ZNF654: variants seen among roughly 807,000 people sequenced by gnomAD.
ZNF654 encodes the protein melanoma-associated antigen.
In ZNF654, 19 loss-of-function variants were observed where a neutral mutation model predicts 95.3. The observed-to-expected ratio is 0.20, with a 90% CI of 0.14 to 0.29. The LOEUF is 0.29. Among genes scored for constraint, ZNF654 ranks in the 10% least tolerant of loss-of-function variants. ZNF654 has a pLI of 1.00. For synonymous variants in ZNF654, 413 were observed against 457.9 expected (o/e 0.90, Z 1.25); for missense variants, 1,046 against 1,341.0 (o/e 0.78, Z 3.44).
intron 2 of ZNF654, among the ~76,000 whole-genome samples, chr3:88,100,264 C>T (rs1360408820): frequency 1.3e-5 from 2 of 152,212 alleles, no homozygotes; most frequent in East Asian, 1.9e-4. Flanking sequence ...AAATCAAAAC[C>T]ACAATGAGAT....
At chr3:88,122,243 G>C (rs574755758) in intron 3 of ZNF654, among the ~76,000 whole-genome samples, 1 of 152,294 alleles carries the variant, frequency 6.6e-6, no homozygotes, top group South Asian at 2.1e-4. Flanking sequence ...AAGACAAGGT[G>C]AATTTTGGGA....
At chr3:88,088,853 A>G (rs1189542366) in intron 2 of ZNF654, among the ~76,000 whole-genome samples, 1 of 151,886 alleles carries the variant, frequency 6.6e-6, no homozygotes, top group Admixed American at 6.6e-5. Flanking sequence ...GCTCACTGCA[A>G]CCTACATCTC....
chr3:88,097,147 T>C (rs1330233997), intron 2 of ZNF654, among the ~76,000 whole-genome samples: 1 of 152,158 alleles, frequency 6.6e-6, no homozygotes, highest in African/African-American at 2.4e-5. Context: ...ATGACCGGAA[T>C]ATGTACAAGG....
intron 2 of ZNF654, among the ~76,000 whole-genome samples, chr3:88,089,350 G>A (rs558649422): frequency 7.8e-4 from 118 of 151,908 alleles, no homozygotes; most frequent in African/African-American, 2.8e-3. Flanking sequence ...AATTAGCCAG[G>A]CGTGGTGGCA....
At chr3:88,134,165 A>G (rs1221088140) in intron 6 of ZNF654, among the ~76,000 whole-genome samples, 1 of 151,484 alleles carries the variant, frequency 6.6e-6, no homozygotes, top group Non-Finnish European at 1.5e-5. Flanking sequence ...ATGAAATGGA[A>G]TTGGAATTTT....
At chr3:88,070,593 G>A (rs4273396) in intron 1 of ZNF654, among the ~76,000 whole-genome samples, 111,337 of 136,118 alleles carry the variant, frequency 0.82, 45,378 homozygotes, top group South Asian at 0.92. Flanking sequence ...TTTTTTTGCA[G>A]ATCATATTGG....
chr3:88,067,026 C>G (rs1182699581), intron 1 of ZNF654, among the ~76,000 whole-genome samples: 2 of 152,096 alleles, frequency 1.3e-5, no homozygotes, highest in Admixed American at 1.3e-4. Flanking sequence ...TACATTAACA[C>G]TCTCTACTGT....
intron 2 of ZNF654, among the ~76,000 whole-genome samples, chr3:88,111,092 T>C (rs1236457750): frequency 6.6e-6 from 1 of 152,014 alleles, no homozygotes; most frequent in Non-Finnish European, 1.5e-5. Context: ...GTGTTGAACA[T>C]GGATTTTGAG....
intron 1 of ZNF654, among the ~76,000 whole-genome samples, chr3:88,084,498 T>C (rs1708239634): frequency 6.6e-6 from 1 of 152,128 alleles, no homozygotes; most frequent in Admixed American, 6.5e-5. Context: ...GCATAGTTAG[T>C]AGTAGTTTTT....
At chr3:88,094,972 T>G (rs186434641) in intron 2 of ZNF654, among the ~76,000 whole-genome samples, 5 of 152,246 alleles carry the variant, frequency 3.3e-5, no homozygotes, top group Admixed American at 2.6e-4. Flanking sequence ...TATGAGAAAT[T>G]ATCCCAGGAT....
intron 2 of ZNF654, among the ~76,000 whole-genome samples, chr3:88,088,674 G>A (rs1184355393): frequency 6.6e-6 from 1 of 152,128 alleles, no homozygotes; most frequent in Non-Finnish European, 1.5e-5. Flanking sequence ...GAAATTGTAG[G>A]AGGGAAAGAG....
chr3:88,139,975 C>G lies in ZNF654; in HGVS notation c.2306C>G (p.Thr769Ser), dbSNP rs771048970. ...GGGTTTCTAAATAAACATGCAATGA[C>G]CGTACATCCAACCGATTTAAATGTG... ...RIGFLNKHAMTVHPTDLNVRQ... is the reference protein window; with the variant it reads ...RIGFLNKHAMSVHPTDLNVRQ... The change falls in exon 8 of 9, where the codon ACC becomes AGC. Residue 769 changes from threonine (T) to serine (S), a missense_variant. Transcript: ENST00000636215. 1 of 1,613,712 alleles carries G rather than the reference C, an allele frequency of 6.2e-7. No homozygotes were observed. The highest frequency in any genetic ancestry group is 1.1e-5 in the South Asian group (1 of 91,070).
chr3:88,134,992 G>C (rs1278235903), intron 6 of ZNF654, 69 bp from the exon 7 acceptor site: 2 of 1,133,524 alleles, frequency 1.8e-6, no homozygotes, highest in Non-Finnish European at 2.3e-6. Flanking sequence ...TAGAATCAGG[G>C]AAAGATAGCT....
At position 88,140,446 on chromosome 3, in the gene ZNF654, C is replaced by G. The variant is rs1294557744; in HGVS notation, c.2777C>G (p.Thr926Arg). Residue 926 changes from threonine (T) to arginine (R), a missense_variant, in exon 8 of 9, where the codon ACA becomes AGA. Coordinates refer to ENST00000636215, the MANE Select transcript of ZNF654 (RefSeq NM_001350134.2). ...AGGAAAGAGTCTACAGAACCAAAGA[C>G]ATGTATAGAAAGTATGGAAAAGAAA... Reference protein sequence around the residue: ...KSRKESTEPKTCIESMEKKTD... With the variant: ...KSRKESTEPKRCIESMEKKTD... 2 of 1,613,342 alleles carry G rather than the reference C, an allele frequency of 1.2e-6. No individual in the cohort carries two copies. The highest frequency in any genetic ancestry group is 1.7e-6 in the Non-Finnish European group (2 of 1,179,696).
intron 3 of ZNF654, among the ~76,000 whole-genome samples, chr3:88,119,374 G>C (rs1410021662): frequency 2.1e-5 from 1 of 47,348 alleles, no homozygotes; most frequent in African/African-American, 6.0e-5. Context: ...ATCACACTCT[G>C]GGGACTGTTG....
intron 3 of ZNF654, among the ~76,000 whole-genome samples, chr3:88,123,275 G>C (rs1426332579): frequency 9.9e-5 from 15 of 152,024 alleles, no homozygotes; most frequent in Non-Finnish European, 2.2e-4. Flanking sequence ...CCTATCCTGA[G>C]CTGTTTTCCA....
chr3:88,076,401 G>A (rs1707803038), intron 1 of ZNF654, among the ~76,000 whole-genome samples: 1 of 151,866 alleles, frequency 6.6e-6, no homozygotes, highest in Non-Finnish European at 1.5e-5. Context: ...TTTAAGTACA[G>A]TTACTTCTGA....
intron 3 of ZNF654, among the ~76,000 whole-genome samples, chr3:88,113,409 A>G (rs1410696771): frequency 6.6e-6 from 1 of 152,164 alleles, no homozygotes; most frequent in Non-Finnish European, 1.5e-5. Context: ...TGGAATTCCT[A>G]TTCTACATTT....
chr3:88,136,359 A>T (rs4507280), intron 7 of ZNF654, among the ~76,000 whole-genome samples: 119,161 of 152,100 alleles, frequency 0.78, 47,604 homozygotes, highest in South Asian at 0.91. Context: ...ATGAAATAAG[A>T]ATTAAAAATA....
Sources: gnomAD v4.1 joint callset for allele counts (sites outside exome capture counted in the v4.1 genomes callset) on GRCh38, gnomAD v4.1.1 for gene constraint, MANE v1.5 for transcripts, NCBI Gene and HGNC (gene_info 2026-07-23, HGNC 2026-07-21) for gene names.